Variants in RBBP5 observed in about 807,000 individuals in gnomAD.
RBBP5 encodes RB binding protein 5, histone lysine methyltransferase complex subunit, also known as retinoblastoma-binding protein 5.
Under a neutral mutation model 72.2 loss-of-function variants are expected in RBBP5, and 5 were observed. That is an observed-to-expected ratio of 0.07 (90% CI 0.04 to 0.15). The LOEUF is 0.15. Among genes scored for constraint, RBBP5 ranks in the 10% least tolerant of loss-of-function variants. The pLI is 1.00. For missense variants in RBBP5, 322 were observed against 652.2 expected (o/e 0.49, Z 5.51); for synonymous variants, 209 against 237.2 (o/e 0.88, Z 1.09).
chr1:205,092,978 T>C (rs1655409724), intron 13 of RBBP5, among the ~76,000 whole-genome samples: 1 of 152,250 alleles, frequency 6.6e-6, no homozygotes, highest in African/African-American at 2.4e-5. Flanking sequence ...TTGGCCACAT[T>C]TTAAATCACC....
At chr1:205,118,288 T>G (rs1656605511) in intron 1 of RBBP5, among the ~76,000 whole-genome samples, 1 of 152,106 alleles carries the variant, frequency 6.6e-6, no homozygotes, top group African/African-American at 2.4e-5. Flanking sequence ...ATACATTAAT[T>G]TAGTGAGTTG....
At chr1:205,109,478 C>T (rs1270018709) in intron 3 of RBBP5, among the ~76,000 whole-genome samples, 1 of 151,900 alleles carries the variant, frequency 6.6e-6, no homozygotes, top group African/African-American at 2.4e-5. Flanking sequence ...CGTTGCTATT[C>T]TTGTAGGCCT....
intron 13 of RBBP5, 84 bp from the exon 14 acceptor site, chr1:205,088,899 T>C: frequency 5.4e-6 from 7 of 1,305,768 alleles, no homozygotes; most frequent in Non-Finnish European, 7.4e-6. Context: ...GAATGCTGGA[T>C]GATGCATTAC....
chr1:205,095,980 G>A (rs1655598208), intron 12 of RBBP5, among the ~76,000 whole-genome samples: 1 of 152,070 alleles, frequency 6.6e-6, no homozygotes, highest in Non-Finnish European at 1.5e-5. Flanking sequence ...ATCACTTGAG[G>A]TCTGGAGTTC....
Position 205,087,100 on chromosome 1 carries a change from A to T in RBBP5, c.*1687T>A, listed in dbSNP as rs1473388429. On this transcript the variant is annotated 3_prime_UTR_variant, in exon 14 of 14. Coordinates refer to ENST00000264515, the MANE Select transcript of RBBP5 (RefSeq NM_005057.4). ...TTTTAAATGATGGAGTGAGACAAAG[A>T]GGCTCTTGCTGACGTGCTCTACTTT... 6.6e-6 allele frequency: 1 copy of T among 152,198 alleles called. No homozygotes were observed. 9.4% of individuals were successfully genotyped at this position (152,198 alleles called of 1,614,324 possible).
chr1:205,093,165 A>C (rs1416544240), intron 13 of RBBP5, among the ~76,000 whole-genome samples: 4 of 151,838 alleles, frequency 2.6e-5, no homozygotes, highest in Non-Finnish European at 5.9e-5. Flanking sequence ...CTACTTTACA[A>C]TATATACAAA....
Position 205,115,849 on chromosome 1 carries a change from T to A in RBBP5, c.45+9A>T, listed in dbSNP as rs1656498624. 4 of 1,604,402 alleles carry A rather than the reference T, an allele frequency of 2.5e-6. No homozygotes were observed. In the East Asian group the frequency reaches 8.9e-5, roughly 36 times the overall value. ...TGTTCCTAAAATCACCACAATACTA[T>A]ACTCTTACCTCTGGATAGTTCTGCC... is the stretch of plus-strand genomic sequence containing the variant. On this transcript the variant is annotated intron_variant, in intron 2 of 13. Transcript: ENST00000264515.
rs77999138 is a variant in RBBP5 at position 205,119,473 on chromosome 1, T to G, written c.19+2382A>C. Among the ~76,000 whole-genome samples, 756 of 152,356 alleles carry G rather than the reference T, an allele frequency of 5.0e-3. 4 individuals carry two copies. Among genetic ancestry groups the G allele is most frequent in the African/African-American group, 0.018 (732 of 41,584 alleles). On this transcript the variant is annotated intron_variant, in intron 1 of 13. Coordinates refer to ENST00000264515, the MANE Select transcript of RBBP5 (RefSeq NM_005057.4). ...TCTGTATCATTCAAGAAAAGCCTTT[T>G]GCAAGATCCTGCTACTCTTTCAAAG...
rs754293511 is a variant in RBBP5 at position 205,100,190 on chromosome 1, C to T, written c.714G>A (p.Glu238=). The T allele has an allele frequency of 4.3e-6, 7 of 1,614,082 alleles. No individual in the cohort carries two copies. Among genetic ancestry groups the T allele is most frequent in the African/African-American group, 4.0e-5 (3 of 74,932 alleles). Reference sequence around the variant, plus strand: ...CCTGCAATTTCTGCATAGGTTCAGGCTCTCCATCTCTTCCACATGTTAAGA... The same window carrying T: ...CCTGCAATTTCTGCATAGGTTCAGGTTCTCCATCTCTTCCACATGTTAAGA... The part of the protein sequence containing the change: ...REILTCGRDG[E]PEPMQKLQDL... The change falls in exon 7 of 14, where the codon GAG becomes GAA. Residue 238 remains glutamate (E), a synonymous_variant. Transcript: ENST00000264515.
At chr1:205,097,543 T>G in intron 10 of RBBP5, 148 bp from the exon 11 acceptor site, 1 of 809,202 alleles carries the variant, frequency 1.2e-6, no homozygotes. Flanking sequence ...AACAAATATG[T>G]GCTGAATTTC....
Position 205,103,953 on chromosome 1 carries a change from A to G in RBBP5, c.426T>C (p.His142=). The part of the protein sequence containing the change: ...PVMLTLSDSK[H]VVLPVDDDSD... ...AGTCATCGTCCACCGGCAGAACAACATGTTTGGAATCTGAAAGGGTCAACA... is the reference window on the plus strand; with the variant it reads ...AGTCATCGTCCACCGGCAGAACAACGTGTTTGGAATCTGAAAGGGTCAACA... Residue 142 remains histidine (H), a synonymous_variant, in exon 5 of 14, where the codon CAT becomes CAC. Transcript: ENST00000264515. 1.9e-6 allele frequency: 3 copies of G among 1,614,128 alleles called. No individual in the cohort carries two copies. Among genetic ancestry groups the G allele is most frequent in the Non-Finnish European group, 2.5e-6 (3 of 1,180,010 alleles).
chr1:205,103,223 C>CA (rs35295093), intron 5 of RBBP5, among the ~76,000 whole-genome samples: 18,811 of 91,100 alleles, frequency 0.21, 1,972 homozygotes, highest in East Asian at 0.44. Context: ...GACTCCATCT[C>CA]AAAAAAAAAA....
intron 2 of RBBP5, 124 bp from the exon 3 acceptor site, chr1:205,115,085 T>A (rs1035470304): frequency 1.1e-6 from 1 of 870,304 alleles, no homozygotes; most frequent in Admixed American, 3.0e-5. Flanking sequence ...TACCAAATAA[T>A]CTCTCTGTGT....
chr1:205,093,539 C>CAT, intron 13 of RBBP5, among the ~76,000 whole-genome samples: 1 of 81,160 alleles, frequency 1.2e-5, no homozygotes, highest in East Asian at 2.7e-4. Context: ...TATATACACA[C>CAT]ACACACACAC....
chr1:205,089,712 A>G (rs1041916799), intron 13 of RBBP5, among the ~76,000 whole-genome samples: 2 of 152,248 alleles, frequency 1.3e-5, no homozygotes, highest in African/African-American at 4.8e-5. Context: ...CAAACTTTCT[A>G]CTGAATGTTA....
intron 10 of RBBP5, 61 bp from the exon 11 acceptor site, chr1:205,097,456 G>A: frequency 1.4e-6 from 2 of 1,457,888 alleles, no homozygotes; most frequent in Non-Finnish European, 1.9e-6. Flanking sequence ...TTTATTTGCA[G>A]CTTCAAGGTT....
chr1:205,101,557 T>C (rs765684139), intron 6 of RBBP5, 43 bp downstream of exon 6: 2 of 1,381,962 alleles, frequency 1.4e-6, no homozygotes, highest in Non-Finnish European at 2.0e-6. Context: ...TTGCATTCTA[T>C]TCACTCTTAA....
intron 11 of RBBP5, 112 bp downstream of exon 11, chr1:205,097,212 CTT>C: frequency 9.6e-7 from 1 of 1,045,524 alleles, no homozygotes; most frequent in Non-Finnish European, 1.4e-6. Flanking sequence ...CGAGTTATCT[CTT>C]TTAGCTAATA....
intron 3 of RBBP5, among the ~76,000 whole-genome samples, chr1:205,112,351 T>C (rs1416837255): frequency 6.6e-6 from 1 of 152,064 alleles, no homozygotes. Flanking sequence ...TTATAAATTA[T>C]CTCATCTATG....
Sources: allele counts gnomAD v4.1 joint callset (sites outside exome capture counted in the v4.1 genomes callset), GRCh38; gene constraint gnomAD v4.1.1; transcripts MANE v1.5; gene names NCBI Gene and HGNC (gene_info 2026-07-23, HGNC 2026-07-21).